TXK: variants seen among roughly 807,000 people sequenced by gnomAD.
TXK encodes TXK tyrosine kinase, also known as tyrosine-protein kinase TXK.
TXK carries 60 observed loss-of-function variants against 81.0 expected under a neutral mutation model. That is an observed-to-expected ratio of 0.74 (90% CI 0.60 to 0.92). The LOEUF is 0.92. Among genes scored for constraint, TXK ranks in the 40% least tolerant of loss-of-function variants. The pLI is 0.00. For missense variants in TXK, 581 were observed against 638.3 expected, an observed-to-expected ratio of 0.91 and a Z score of 0.97; for synonymous variants, 203 against 210.7, an observed-to-expected ratio of 0.96 and a Z score of 0.32.
At chr4:48,073,811 G>A (rs1023667699) in intron 13 of TXK, 124 bp downstream of exon 13, 11 of 669,546 alleles carry the variant, frequency 1.6e-5, no homozygotes, top group Middle Eastern at 2.7e-4. Context: ...ACACACAGAA[G>A]GAAGCACAAT....
rs1718671632 is a variant in TXK at position 48,112,606 on chromosome 4, T to C, written c.175-94A>G. 3.0e-6 allele frequency: 4 copies of C among 1,314,746 alleles called. No individual in the cohort carries two copies. The South Asian group carries it at 4.5e-5, about 15-fold the overall frequency. 81.4% of individuals were successfully genotyped at this position (1,314,746 alleles called of 1,614,324 possible). A position where few individuals can be genotyped will look rare whatever the true frequency, so the allele number is the denominator to read the frequency against. ...AAGCATATTTGCCTTCTGCCTCACT[T>C]TTCTTATCCAGCTACACCAAGGCAG... On this transcript the variant is annotated intron_variant, in intron 3 of 14. Coordinates refer to ENST00000264316, the MANE Select transcript of TXK (RefSeq NM_003328.3).
At chr4:48,107,312 T>C (rs973111705) in intron 5 of TXK, among the ~76,000 whole-genome samples, 1 of 151,886 alleles carries the variant, frequency 6.6e-6, no homozygotes, top group African/African-American at 2.4e-5. Context: ...GCCATAAATC[T>C]TTCTATGCAC....
At chr4:48,080,157 C>A in intron 10 of TXK, 29 bp from the exon 11 acceptor site, 1 of 1,537,104 alleles carries the variant, frequency 6.5e-7, no homozygotes, top group Non-Finnish European at 9.0e-7. Flanking sequence ...CACCAGTGAG[C>A]AGAATTGTGT....
At chr4:48,093,988 T>C in intron 8 of TXK, 89 bp downstream of exon 8, 1 of 1,508,690 alleles carries the variant, frequency 6.6e-7, no homozygotes, top group South Asian at 1.1e-5. Context: ...ATAGGGAGAT[T>C]TGCTCCTGTT....
At chr4:48,120,491 CT>C (rs1217036533) in intron 1 of TXK, among the ~76,000 whole-genome samples, 245 of 142,302 alleles carry the variant, frequency 1.7e-3, no homozygotes, top group Non-Finnish European at 1.7e-3. Flanking sequence ...AAATAAGTCT[CT>C]TTTTTTTTTT....
At chr4:48,101,560 A>G (rs1346327602) in intron 6 of TXK, among the ~76,000 whole-genome samples, 2 of 152,124 alleles carry the variant, frequency 1.3e-5, no homozygotes, top group African/African-American at 4.8e-5. Flanking sequence ...GCCTTATGAC[A>G]AGTAGGATTT....
chr4:48,112,785 T>C (rs1253417985), intron 3 of TXK, among the ~76,000 whole-genome samples: 1 of 152,196 alleles, frequency 6.6e-6, no homozygotes, highest in East Asian at 1.9e-4. Context: ...CAAAAGATGA[T>C]GTACTCCTCT....
intron 5 of TXK, among the ~76,000 whole-genome samples, chr4:48,108,072 AAAAT>A (rs201451840): frequency 0.061 from 9,227 of 151,760 alleles, 591 homozygotes; most frequent in African/African-American, 0.16. Context: ...CTCTGTCTCA[AAAAT>A]AAATAAATAA....
intron 6 of TXK, among the ~76,000 whole-genome samples, chr4:48,099,731 C>T (rs1377971399): frequency 1.3e-5 from 2 of 152,068 alleles, no homozygotes; most frequent in African/African-American, 4.8e-5. Context: ...AAGTAGAAAG[C>T]CCAGATATAG....
chr4:48,107,783 CCGGGCG>C (rs1718502755), intron 5 of TXK, among the ~76,000 whole-genome samples: 1 of 151,726 alleles, frequency 6.6e-6, no homozygotes, highest in African/African-American at 2.4e-5. Context: ...CATTTATGGG[CCGGGCG>C]CGGTGGCTCA....
chr4:48,068,783 C>T (rs1216926272), intron 14 of TXK, among the ~76,000 whole-genome samples: 1 of 152,134 alleles, frequency 6.6e-6, no homozygotes, highest in Non-Finnish European at 1.5e-5. Context: ...GGGTCATTGA[C>T]AGTAGGGTCA....
At chr4:48,073,848 A>T (rs776668949) in intron 13 of TXK, 87 bp downstream of exon 13, 25 of 890,722 alleles carry the variant, frequency 2.8e-5, no homozygotes, top group Non-Finnish European at 4.4e-5. Flanking sequence ...AAAAAATGCT[A>T]TATCAATTAG....
chr4:48,072,716 G>A (rs989610295), intron 13 of TXK, among the ~76,000 whole-genome samples: 3 of 152,194 alleles, frequency 2.0e-5, no homozygotes, highest in African/African-American at 7.2e-5. Flanking sequence ...CAGTGAGGGA[G>A]ACAAGTAGGT....
chr4:48,069,305 A>C (rs1037647204), intron 14 of TXK, among the ~76,000 whole-genome samples: 2 of 145,244 alleles, frequency 1.4e-5, no homozygotes, highest in Non-Finnish European at 3.0e-5. Flanking sequence ...CTGTCTCAAA[A>C]ATAAATCAAT....
chr4:48,095,856 G>A (rs1321389625), intron 6 of TXK, among the ~76,000 whole-genome samples: 1 of 152,218 alleles, frequency 6.6e-6, no homozygotes, highest in Non-Finnish European at 1.5e-5. Context: ...TTTGGGAGAT[G>A]CCAATAAAGC....
At chr4:48,115,834 G>C (rs1463897616) in intron 1 of TXK, among the ~76,000 whole-genome samples, 1 of 151,902 alleles carries the variant, frequency 6.6e-6, no homozygotes, top group Admixed American at 6.6e-5. Context: ...CAGCCCTGGT[G>C]ACAGAGTGAG....
intron 14 of TXK, among the ~76,000 whole-genome samples, chr4:48,070,232 G>A (rs1246097824): frequency 3.3e-5 from 5 of 152,174 alleles, no homozygotes; most frequent in Admixed American, 3.3e-4. Flanking sequence ...GAAGGGCAGG[G>A]GTGTGTTGAG....
chr4:48,122,532 T>C (rs905434828), intron 1 of TXK, among the ~76,000 whole-genome samples: 1 of 152,242 alleles, frequency 6.6e-6, no homozygotes, highest in African/African-American at 2.4e-5. Context: ...TTTTTTGGTG[T>C]ATTTCTCACC....
At chr4:48,087,537 G>A (rs952576972) in intron 9 of TXK, among the ~76,000 whole-genome samples, 4 of 151,974 alleles carry the variant, frequency 2.6e-5, no homozygotes, top group African/African-American at 9.7e-5. Context: ...TTAGGTTCAA[G>A]TGATTTTCCT....
Sources: gnomAD v4.1 joint callset for allele counts (sites outside exome capture counted in the v4.1 genomes callset) on GRCh38, gnomAD v4.1.1 for gene constraint, MANE v1.5 for transcripts, NCBI Gene and HGNC (gene_info 2026-07-23, HGNC 2026-07-21) for gene names.